The following RALYL variants were observed in gnomAD, a reference collection of about 807,000 sequenced individuals.
RALYL encodes the protein RALY RNA binding protein like.
Under a neutral mutation model 35.1 loss-of-function variants are expected in RALYL, and 29 were observed. The observed-to-expected ratio is 0.83, with a 90% confidence interval of 0.61 to 1.13. The LOEUF (loss-of-function observed/expected upper bound fraction) is 1.13, where lower values mean the gene tolerates loss of function less well. Ranked by LOEUF, RALYL falls within the 50% of genes most tolerant of loss-of-function variation. The pLI, the probability that RALYL is intolerant of heterozygous loss-of-function variation, is 0.00. For synonymous variants in RALYL, 120 were observed against 127.6 expected (o/e 0.94, Z 0.40); for missense variants, 359 against 360.4 (o/e 1.00, Z 0.03).
chr8:84,812,595 G>C (rs1355362448), intron 4 of RALYL, among the ~76,000 whole-genome samples: 1 of 152,148 alleles, frequency 6.6e-6, no homozygotes, highest in Non-Finnish European at 1.5e-5. Context: ...TCCTTCGATG[G>C]GTCTTGCTGT....
chr8:84,888,643 T>A (rs1019021731), intron 8 of RALYL, among the ~76,000 whole-genome samples: 1 of 152,190 alleles, frequency 6.6e-6, no homozygotes, highest in African/African-American at 2.4e-5. Flanking sequence ...ATGGTGCTTG[T>A]TTTATCAATA....
At chr8:84,523,000 G>T (rs899536998) in intron 1 of RALYL, among the ~76,000 whole-genome samples, 7 of 152,088 alleles carry the variant, frequency 4.6e-5, no homozygotes, top group Non-Finnish European at 7.3e-5. Context: ...GAGGAGCAAA[G>T]GCACATCTTA....
intron 2 of RALYL, among the ~76,000 whole-genome samples, chr8:84,735,811 CGAGAGAGAGAGAGAGAGA>C (rs59842702): frequency 9.0e-6 from 1 of 111,310 alleles, no homozygotes; most frequent in Non-Finnish European, 2.0e-5. Context: ...ATCCAAACCG[CGAGAGAGAGAGAGAGAGA>C]GAGAGAGAGA....
chr8:84,874,294 A>G (rs1363538107), intron 7 of RALYL, among the ~76,000 whole-genome samples: 1 of 152,200 alleles, frequency 6.6e-6, no homozygotes, highest in Non-Finnish European at 1.5e-5. Flanking sequence ...ATAAATAAAT[A>G]AAGTGTGAAA....
At chr8:84,695,793 C>A (rs1359135900) in intron 2 of RALYL, among the ~76,000 whole-genome samples, 2 of 151,724 alleles carry the variant, frequency 1.3e-5, no homozygotes, top group African/African-American at 4.8e-5. Flanking sequence ...TGTTGAACAC[C>A]AATTATGTAT....
At chr8:84,749,569 G>T (rs181068544) in intron 2 of RALYL, among the ~76,000 whole-genome samples, 5 of 152,232 alleles carry the variant, frequency 3.3e-5, no homozygotes, top group African/African-American at 9.6e-5. Context: ...AGGAACAAGT[G>T]TCCCCTAGAA....
intron 1 of RALYL, among the ~76,000 whole-genome samples, chr8:84,445,993 A>G (rs1014699400): frequency 1.8e-4 from 27 of 151,922 alleles, no homozygotes; most frequent in Admixed American, 1.8e-3. Context: ...TGATTTTCAA[A>G]TTTATATTGA....
At chr8:84,409,582 G>T (rs1009403968) in intron 1 of RALYL, among the ~76,000 whole-genome samples, 9 of 152,094 alleles carry the variant, frequency 5.9e-5, no homozygotes, top group Admixed American at 3.3e-4. Context: ...CCAGTGAAAA[G>T]AAATAATAAT....
intron 1 of RALYL, among the ~76,000 whole-genome samples, chr8:84,372,888 T>TTTTTTTTTTTTTTTTTGTTTTG (rs1856097223): frequency 9.3e-6 from 1 of 107,582 alleles, no homozygotes; most frequent in Non-Finnish European, 1.8e-5. Context: ...CAGCATCTGT[T>TTTTTTTTTTTTTTTTTGTTTTG]TTTTTTTTTT....
At chr8:84,645,653 C>G (rs907045923) in intron 2 of RALYL, among the ~76,000 whole-genome samples, 6 of 152,038 alleles carry the variant, frequency 3.9e-5, no homozygotes, top group African/African-American at 1.4e-4. Flanking sequence ...TGAAATACCC[C>G]CAGTCCTTTG....
chr8:84,338,535 G>A (rs966116767), intron 1 of RALYL, among the ~76,000 whole-genome samples: 38 of 151,578 alleles, frequency 2.5e-4, no homozygotes, highest in Non-Finnish European at 4.4e-4. Flanking sequence ...CATTCTTTGG[G>A]GAGGGAACAT....
intron 3 of RALYL, 83 bp from the exon 4 acceptor site, chr8:84,804,687 A>AT: frequency 3.2e-6 from 2 of 627,248 alleles, no homozygotes; most frequent in Non-Finnish European, 4.7e-6. Context: ...AAGTATAATA[A>AT]TTTTGTCAGG....
At chr8:84,314,023 T>C (rs1330447300) in intron 1 of RALYL, among the ~76,000 whole-genome samples, 1 of 152,114 alleles carries the variant, frequency 6.6e-6, no homozygotes, top group East Asian at 1.9e-4. Flanking sequence ...GCCTCACAGT[T>C]CTGCATGGCT....
chr8:84,752,656 C>T (rs1157981039), intron 2 of RALYL, among the ~76,000 whole-genome samples: 1 of 152,168 alleles, frequency 6.6e-6, no homozygotes, highest in Non-Finnish European at 1.5e-5. Context: ...CTGCTCCCTG[C>T]TTCCCAGCTG....
At chr8:84,655,867 C>T (rs757760105) in intron 2 of RALYL, among the ~76,000 whole-genome samples, 5 of 152,070 alleles carry the variant, frequency 3.3e-5, no homozygotes, top group African/African-American at 7.2e-5. Context: ...TTGTCTCAAT[C>T]GCTGGAAGTA....
chr8:84,839,139 C>T (rs748654479), intron 4 of RALYL, among the ~76,000 whole-genome samples: 23 of 152,116 alleles, frequency 1.5e-4, no homozygotes, highest in Admixed American at 3.9e-4. Flanking sequence ...GTGAGTGCAG[C>T]GCACTGAGTG....
In RALYL at chr8:84,746,929, GTCTTT is replaced by G. The variant is rs1335096971; in HGVS notation, c.257-27645_257-27641del. Among the ~76,000 whole-genome samples the G allele has an allele frequency of 3.3e-5, 5 of 151,832 alleles. No homozygotes were observed. The South Asian group carries it at 6.2e-4, about 19-fold the overall frequency. ...CAATTTATTAAAGTTATACATTCAAGTCTTTTCTTAGGTTAGGTTCAATTAATTGC... is the reference window on the plus strand; with the variant it reads ...CAATTTATTAAAGTTATACATTCAAGTCTTAGGTTAGGTTCAATTAATTGC... On this transcript the variant is annotated intron_variant, in intron 2 of 8. Coordinates refer to ENST00000521268, the MANE Select transcript of RALYL (RefSeq NM_173848.7).
At chr8:84,340,528 T>A (rs1327556544) in intron 1 of RALYL, among the ~76,000 whole-genome samples, 2 of 152,130 alleles carry the variant, frequency 1.3e-5, no homozygotes, top group Non-Finnish European at 2.9e-5. Context: ...AGTGGAACCA[T>A]GCAGTATCTA....
chr8:84,217,403 A>G (rs1821086305), intron 1 of RALYL, among the ~76,000 whole-genome samples: 1 of 152,212 alleles, frequency 6.6e-6, no homozygotes, highest in South Asian at 2.1e-4. Context: ...AATACACTCA[A>G]TATTAAATAT....
Sources: gnomAD v4.1 joint callset for allele counts (sites outside exome capture counted in the v4.1 genomes callset) on GRCh38, gnomAD v4.1.1 for gene constraint, MANE v1.5 for transcripts, NCBI Gene and HGNC (gene_info 2026-07-23, HGNC 2026-07-21) for gene names.